Variants in HIC2 observed in about 807,000 individuals in gnomAD.
The protein encoded by HIC2 is HIC ZBTB transcriptional repressor 2, also known as hypermethylated in cancer 2 protein.
A neutral mutation model predicts 39.5 loss-of-function variants in HIC2; 2 were observed. The observed-to-expected ratio is 0.05, with a 90% CI of 0.02 to 0.16. The LOEUF is 0.16. Among genes scored for constraint, HIC2 ranks in the 10% least tolerant of loss-of-function variants. The probability of loss-of-function intolerance (pLI) is 1.00; values close to 1 mark genes in which losing one functional copy is unlikely to be tolerated. For synonymous variants in HIC2, 399 were observed against 368.8 expected (o/e 1.08, Z -0.94); for missense variants, 713 against 863.5 (o/e 0.83, Z 2.18).
intron 2 of HIC2, among the ~76,000 whole-genome samples, chr22:21,444,403 A>G (rs1199646916): frequency 6.6e-6 from 1 of 152,246 alleles, no homozygotes; most frequent in African/African-American, 2.4e-5. Context: ...GGAGGCAGCA[A>G]CATGACTGCT....
chr22:21,446,995 G>A lies in HIC2; in HGVS notation c.*252G>A, dbSNP rs1264544207. 3.7e-6 allele frequency: 2 copies of A among 542,966 alleles called. No homozygotes were observed. The highest frequency in any genetic ancestry group is 1.9e-5 in the African/African-American group (1 of 52,436). The allele number at this position is 542,966 out of a possible 1,614,324, so 33.6% of individuals were successfully genotyped here. On this transcript the variant is annotated 3_prime_UTR_variant, in exon 3 of 3. Coordinates refer to ENST00000407464, the MANE Select transcript of HIC2 (RefSeq NM_015094.3). ...CCCAGGCCCCCAGCTCCCCGCGGGG[G>A]CCACCGCAGGGCCTGTGGGCTGGGT...
rs543091219 is a variant in HIC2 at position 21,449,435 on chromosome 22, T to A, written c.*2692T>A. The stretch of plus-strand genomic sequence containing the variant: ...TAAACAAAGAAAAAAGAAAAAAAAA[T>A]AAGCTCATACCCAAATTCACAAAGC... On this transcript the variant is annotated 3_prime_UTR_variant, in exon 3 of 3. Transcript: ENST00000407464. The A allele has an allele frequency of 2.6e-5, 4 of 152,524 alleles. No homozygotes were observed. Among genetic ancestry groups the A allele is most frequent in the Admixed American group, 6.5e-5 (1 of 15,274 alleles). 9.4% of individuals were successfully genotyped at this position (152,524 alleles called of 1,614,324 possible). A position where few individuals can be genotyped will look rare whatever the true frequency, so the allele number is the denominator to read the frequency against.
rs1442887494 is a variant in HIC2 at position 21,445,810 on chromosome 22, C to A, written c.915C>A (p.Pro305=). Residue 305 remains proline (P), a synonymous_variant, in exon 3 of 3, where the codon CCC becomes CCA. Transcript: ENST00000407464. ...YSELGGTPDE[P]MDLEGAEDNH... is the part of the protein sequence containing the mutation. ...AGCTGGGGGGCACCCCTGATGAGCC[C>A]ATGGATCTGGAGGGGGCCGAGGACA... is the stretch of plus-strand genomic sequence containing the variant. The A allele has an allele frequency of 1.3e-6, 2 of 1,593,456 alleles. No individual in the cohort carries two copies. The highest frequency in any genetic ancestry group is 1.7e-6 in the Non-Finnish European group (2 of 1,169,764).
intron 1 of HIC2, among the ~76,000 whole-genome samples, chr22:21,419,408 C>CTGCT (rs1923008520): frequency 1.6e-5 from 2 of 128,210 alleles, no homozygotes; most frequent in Non-Finnish European, 3.3e-5. Context: ...GCTCTGAGTG[C>CTGCT]TGCTGTGTGC....
At position 21,449,115 on chromosome 22, in the gene HIC2, G is replaced by A. The variant is rs1057217360; in HGVS notation, c.*2372G>A. 1.3e-5 allele frequency: 2 copies of A among 152,576 alleles called. No individual in the cohort carries two copies. Among genetic ancestry groups the A allele is most frequent in the African/African-American group, 2.4e-5 (1 of 41,430 alleles). 9.5% of individuals were successfully genotyped at this position (152,576 alleles called of 1,614,324 possible). A position where few individuals can be genotyped will look rare whatever the true frequency, so the allele number is the denominator to read the frequency against. On this transcript the variant is annotated 3_prime_UTR_variant, in exon 3 of 3. Coordinates refer to ENST00000407464, the MANE Select transcript of HIC2 (RefSeq NM_015094.3). ...ATTGTATCCACCTTAGTATTGTATC[G>A]AGCCTTTTCTGTGTTTTAATGAGAA...
rs773765085 is a variant in HIC2 at position 21,445,828 on chromosome 22, C to T, written c.933C>T (p.Ala311=). The T allele has an allele frequency of 1.1e-5, 17 of 1,587,762 alleles. No homozygotes were observed. Among genetic ancestry groups the T allele is most frequent in the South Asian group, 3.4e-5 (3 of 88,022 alleles). The change falls in exon 3 of 3, where the codon GCC becomes GCT. Residue 311 remains alanine, a synonymous_variant. Transcript: ENST00000407464. ...TPDEPMDLEG[A]EDNHLSLLEA... ...ATGAGCCCATGGATCTGGAGGGGGC[C>T]GAGGACAACCACCTGAGCCTGCTGG...
Position 21,446,665 on chromosome 22 carries a change from G to A in HIC2, c.1770G>A (p.Glu590=). ...MRVHSGEKPY[E]CQLCGGKFTQ... ...TGCACTCGGGCGAGAAACCTTACGA[G>A]TGCCAGCTGTGCGGGGGCAAGTTCA... The change falls in exon 3 of 3, where the codon GAG becomes GAA. Residue 590 remains glutamate, a synonymous_variant. Transcript: ENST00000407464. The A allele has an allele frequency of 6.2e-7, 1 of 1,613,924 alleles. No individual in the cohort carries two copies. Among genetic ancestry groups the A allele is most frequent in the Non-Finnish European group, 8.5e-7 (1 of 1,179,984 alleles).
Position 21,445,231 on chromosome 22 carries a change from C to G in HIC2, c.336C>G (p.Ala112=). ...TGKLLPSDQP[A]EPNFSTLLTA... ...AGCTGCTGCCCAGCGACCAGCCAGC[C>G]GAGCCCAACTTCAGCACCCTCCTCA... The change falls in exon 3 of 3, where the codon GCC becomes GCG. Residue 112 remains alanine (A), a synonymous_variant. Transcript: ENST00000407464. 2 of 1,613,666 alleles carry G rather than the reference C, an allele frequency of 1.2e-6. No homozygotes were observed. Among genetic ancestry groups the G allele is most frequent in the Middle Eastern group, 1.6e-4 (1 of 6,062 alleles).
rs1555877163 is a variant in HIC2, at chr22:21,445,776, C to T, written c.881C>T (p.Ser294Phe). Reference protein sequence around the residue: ...ASAPPVANSASYSELGGTPDE... With the variant: ...ASAPPVANSAFYSELGGTPDE... The stretch of plus-strand genomic sequence containing the variant: ...GCTCCTCCCGTTGCCAACAGTGCCT[C>T]TTATTCTGAGCTGGGGGGCACCCCT... The change falls in exon 3 of 3, where the codon TCT (serine) becomes TTT (phenylalanine). Residue 294 changes from serine to phenylalanine, a missense_variant. Coordinates refer to ENST00000407464, the MANE Select transcript of HIC2 (RefSeq NM_015094.3). 1.2e-6 allele frequency: 2 copies of T among 1,606,474 alleles called. No homozygotes were observed. The highest frequency in any genetic ancestry group is 4.5e-5 in the East Asian group (2 of 44,824).
In HIC2 at chr22:21,447,548, A is replaced by T. The variant is rs978155313; in HGVS notation, c.*805A>T. On this transcript the variant is annotated 3_prime_UTR_variant, in exon 3 of 3. Coordinates refer to ENST00000407464, the MANE Select transcript of HIC2 (RefSeq NM_015094.3). ...CAGGCCCCAGAAGCCCTTCTTGCCCAAAGGCTTCCCTGGTCCCTGAGCCCT... is the reference window on the plus strand; with the variant it reads ...CAGGCCCCAGAAGCCCTTCTTGCCCTAAGGCTTCCCTGGTCCCTGAGCCCT... 1.3e-5 allele frequency: 2 copies of T among 152,614 alleles called. No individual in the cohort carries two copies. Among genetic ancestry groups the T allele is most frequent in the Non-Finnish European group, 2.9e-5 (2 of 68,016 alleles). 9.5% of individuals were successfully genotyped at this position (152,614 alleles called of 1,614,324 possible). A position where few individuals can be genotyped will look rare whatever the true frequency, so the allele number is the denominator to read the frequency against.
intron 1 of HIC2, among the ~76,000 whole-genome samples, chr22:21,423,643 G>GT: frequency 6.6e-6 from 1 of 152,182 alleles, no homozygotes; most frequent in East Asian, 1.9e-4. Flanking sequence ...GTCAGTCCTC[G>GT]TTGTACAAGT....
At chr22:21,420,297 TGGTC>T (rs1204926962) in intron 1 of HIC2, among the ~76,000 whole-genome samples, 1 of 145,094 alleles carries the variant, frequency 6.9e-6, no homozygotes, top group African/African-American at 2.4e-5. Flanking sequence ...GAACTGGACT[TGGTC>T]GGTCGCAAAG....
At position 21,445,863 on chromosome 22, in the gene HIC2, G is replaced by A. The variant is rs1363009630; in HGVS notation, c.968G>A (p.Gly323Asp). 1 of 1,596,316 alleles carries A rather than the reference G, an allele frequency of 6.3e-7. No homozygotes were observed. Residue 323 changes from glycine to aspartate, a missense_variant, in exon 3 of 3, where the codon GGT (glycine) becomes GAT (aspartate). Around this residue, in one of 5 missense-constraint regions of HIC2, gnomAD observed 457 missense variants for 420.2 expected, o/e 1.09. Transcript: ENST00000407464. ...DNHLSLLEAP[G>D]GQPRKSLRHS... ...CACCTGAGCCTGCTGGAGGCGCCTG[G>A]TGGGCAGCCTCGGAAGAGCCTCCGG...
chr22:21,449,390 A>G lies in HIC2; in HGVS notation c.*2647A>G, dbSNP rs1305035439. ...AAACAGGAATCAGAAAATAGCAGAT[A>G]TCATGTAGGAAAGAGAGGATAAACA... On this transcript the variant is annotated 3_prime_UTR_variant, in exon 3 of 3. Transcript: ENST00000407464. 1 of 152,748 alleles carries G rather than the reference A, an allele frequency of 6.5e-6. No homozygotes were observed. The highest frequency in any genetic ancestry group is 6.5e-5 in the Admixed American group (1 of 15,274). 9.5% of individuals were successfully genotyped at this position (152,748 alleles called of 1,614,324 possible). A position where few individuals can be genotyped will look rare whatever the true frequency, so the allele number is the denominator to read the frequency against.
At chr22:21,443,009 T>G (rs1160751143) in intron 2 of HIC2, 152 bp downstream of exon 2, 1 of 454,834 alleles carries the variant, frequency 2.2e-6, no homozygotes, top group African/African-American at 2.0e-5. Flanking sequence ...TGGAGGCCAC[T>G]GCCCTCTTCC....
In HIC2 at chr22:21,446,966, C is replaced by T. The variant is rs1923882086; in HGVS notation, c.*223C>T. 6.3e-6 allele frequency: 4 copies of T among 630,878 alleles called. No individual in the cohort carries two copies. In the South Asian group the frequency reaches 9.2e-5, roughly 14 times the overall value. The allele number at this position is 630,878 out of a possible 1,614,324, so 39.1% of individuals were successfully genotyped here. On this transcript the variant is annotated 3_prime_UTR_variant, in exon 3 of 3. Coordinates refer to ENST00000407464, the MANE Select transcript of HIC2 (RefSeq NM_015094.3). Reference sequence around the variant, plus strand: ...GGTCCCAGCCCGTCTACCTCCCCATCCCACCCAGGCCCCCAGCTCCCCGCG... The same window carrying T: ...GGTCCCAGCCCGTCTACCTCCCCATTCCACCCAGGCCCCCAGCTCCCCGCG...
intron 1 of HIC2, among the ~76,000 whole-genome samples, chr22:21,426,277 TC>T (rs1183909452): frequency 7.7e-5 from 11 of 143,400 alleles, no homozygotes; most frequent in Admixed American, 5.7e-4. Context: ...GCTCAAATGA[TC>T]CTCCTGCATA....
At position 21,448,164 on chromosome 22, in the gene HIC2, G is replaced by C. The variant is rs2148346441; in HGVS notation, c.*1421G>C. On this transcript the variant is annotated 3_prime_UTR_variant, in exon 3 of 3. Transcript: ENST00000407464. Reference sequence around the variant, plus strand: ...GGCCCCAGCCTGGAGCCAGGCACTGGGTGCTGACAGGGGAACCATGAGGAG... The same window carrying C: ...GGCCCCAGCCTGGAGCCAGGCACTGCGTGCTGACAGGGGAACCATGAGGAG... The C allele has an allele frequency of 6.6e-6, 1 of 152,578 alleles. No homozygotes were observed. Among genetic ancestry groups the C allele is most frequent in the East Asian group, 1.9e-4 (1 of 5,314 alleles). The allele number at this position is 152,578 out of a possible 1,614,324, so 9.5% of individuals were successfully genotyped here.
At position 21,449,801 on chromosome 22, in the gene HIC2, G is replaced by GC. The variant is rs900174663; in HGVS notation, c.*3060dup. ...GCTGACCAGCCCCCAAGGCCCTCTG[G>GC]CCGGACCATGCTGGTCCTGACCAGC... On this transcript the variant is annotated 3_prime_UTR_variant, in exon 3 of 3. Coordinates refer to ENST00000407464, the MANE Select transcript of HIC2 (RefSeq NM_015094.3). The GC allele has an allele frequency of 2.0e-5, 3 of 152,722 alleles. No individual in the cohort carries two copies. The highest frequency in any genetic ancestry group is 6.5e-5 in the Admixed American group (1 of 15,286). 9.5% of individuals were successfully genotyped at this position (152,722 alleles called of 1,614,324 possible).
Sources: allele counts gnomAD v4.1 joint callset (sites outside exome capture counted in the v4.1 genomes callset), GRCh38; gene constraint gnomAD v4.1.1; regional missense constraint gnomAD v4.1.1; transcripts MANE v1.5; gene names NCBI Gene and HGNC (gene_info 2026-07-23, HGNC 2026-07-21).